Variants in SLC15A1 observed in about 807,000 individuals in gnomAD.
SLC15A1 encodes the protein solute carrier family 15 member 1, also known as Caco-2 oligopeptide transporter.
SLC15A1 carries 83 observed loss-of-function variants against 92.9 expected under a neutral mutation model. The ratio of observed to expected loss-of-function variants is 0.89; its 90% CI spans 0.75 to 1.07. The LOEUF is 1.07. Ranked by LOEUF, SLC15A1 falls within the 50% of genes least tolerant of loss-of-function variation. SLC15A1 has a pLI of 0.00. For missense variants in SLC15A1, 857 were observed against 880.1 expected, an observed-to-expected ratio of 0.97 and a Z score of 0.33; for synonymous variants, 322 against 318.2, an observed-to-expected ratio of 1.01 and a Z score of -0.13.
At chr13:98,698,467 C>T (rs2088040991) in intron 18 of SLC15A1, among the ~76,000 whole-genome samples, 1 of 152,188 alleles carries the variant, frequency 6.6e-6, no homozygotes, top group Non-Finnish European at 1.5e-5. Flanking sequence ...GAGACAGGGT[C>T]TCACTCTGTT....
intron 18 of SLC15A1, among the ~76,000 whole-genome samples, chr13:98,701,795 C>T (rs556022400): frequency 6.4e-4 from 97 of 151,826 alleles, no homozygotes; most frequent in African/African-American, 2.1e-3. Context: ...CTCAGCCTCC[C>T]GAGTAGCTGG....
intron 1 of SLC15A1, among the ~76,000 whole-genome samples, chr13:98,727,278 C>T (rs1012811230): frequency 9.9e-5 from 15 of 152,208 alleles, no homozygotes; most frequent in African/African-American, 1.7e-4. Flanking sequence ...CACACTCAAC[C>T]GCCACCTCCT....
At position 98,688,480 on chromosome 13, in the gene SLC15A1, G is replaced by GA; in HGVS notation, c.1563dup (p.Pro522SerfsTer21). ...AGTCTCGGTACTTACATGCCAGAAG[G>GA]AAAAAACTGGTATGTGCTGGCATTG... On this transcript the variant is annotated frameshift_variant, in exon 19 of 23. Transcript: ENST00000376503. LOFTEE classifies it high-confidence loss of function. 1 of 1,613,724 alleles carries GA rather than the reference G, an allele frequency of 6.2e-7. No homozygotes were observed. The highest frequency in any genetic ancestry group is 8.5e-7 in the Non-Finnish European group (1 of 1,179,742).
rs1321262091 is a variant in SLC15A1 at position 98,684,630 on chromosome 13, T to C, written c.*94A>G. The C allele has an allele frequency of 1.2e-6, 1 of 813,932 alleles. No individual in the cohort carries two copies. The highest frequency in any genetic ancestry group is 1.7e-5 in the African/African-American group (1 of 58,010). 50.4% of individuals were successfully genotyped at this position (813,932 alleles called of 1,614,324 possible). ...TTAGTTCCCAATTCTGAAGTCTTCCTCATCAGGGGCCATCCAATGGAGTGT... is the reference window on the plus strand; with the variant it reads ...TTAGTTCCCAATTCTGAAGTCTTCCCCATCAGGGGCCATCCAATGGAGTGT... On this transcript the variant is annotated 3_prime_UTR_variant, in exon 23 of 23. Coordinates refer to ENST00000376503, the MANE Select transcript of SLC15A1 (RefSeq NM_005073.4).
At chr13:98,752,110 G>A (rs553745057) in intron 1 of SLC15A1, among the ~76,000 whole-genome samples, 1 of 152,232 alleles carries the variant, frequency 6.6e-6, no homozygotes, top group African/African-American at 2.4e-5. Flanking sequence ...AGTGCAGAGG[G>A]TTAAGAGGGG....
intron 5 of SLC15A1, 59 bp from the exon 6 acceptor site, chr13:98,721,962 C>G: frequency 2.8e-6 from 4 of 1,445,388 alleles, no homozygotes; most frequent in Non-Finnish European, 3.8e-6. Context: ...GAAGGCCTCT[C>G]TTTTCCCCAG....
intron 19 of SLC15A1, 57 bp from the exon 20 acceptor site, chr13:98,688,413 A>AT (rs1040280687): frequency 3.7e-6 from 6 of 1,604,522 alleles, no homozygotes; most frequent in Admixed American, 1.7e-5. Context: ...ATTTCAATGC[A>AT]TTTTTTAAAG....
At chr13:98,726,649 C>T in intron 2 of SLC15A1, 194 bp downstream of exon 2, 2 of 741,174 alleles carry the variant, frequency 2.7e-6, no homozygotes. Context: ...AATAAAGCAT[C>T]CAGTGGTATT....
chr13:98,700,484 CA>C (rs56342746), intron 18 of SLC15A1, among the ~76,000 whole-genome samples: 2 of 50,906 alleles, frequency 3.9e-5, no homozygotes, highest in Non-Finnish European at 6.3e-5. Flanking sequence ...GACCCTGTCT[CA>C]AAAAAAAAAA....
chr13:98,743,488 A>G (rs1051299360), intron 1 of SLC15A1, among the ~76,000 whole-genome samples: 1 of 152,212 alleles, frequency 6.6e-6, no homozygotes, highest in Non-Finnish European at 1.5e-5. Flanking sequence ...CCCAGGATCC[A>G]GCCACCTTTG....
intron 20 of SLC15A1, 78 bp downstream of exon 20, chr13:98,688,170 T>C: frequency 2.1e-6 from 2 of 934,632 alleles, no homozygotes; most frequent in Non-Finnish European, 3.4e-6. Flanking sequence ...TAAATCATAT[T>C]ATGTCCTAAG....
At position 98,688,461 on chromosome 13, in the gene SLC15A1, G is replaced by A. The variant is rs551930554; in HGVS notation, c.1574+9C>T. On this transcript the variant is annotated intron_variant, in intron 19 of 22. Transcript: ENST00000376503. ...ACCTTTGAGTGAAGCATTCAGTCTC[G>A]GTACTTACATGCCAGAAGGAAAAAA... 86 of 1,611,282 alleles carry A rather than the reference G, an allele frequency of 5.3e-5. No individual in the cohort carries two copies. The highest frequency in any genetic ancestry group is 1.9e-4 in the African/African-American group (14 of 74,924).
Position 98,687,719 on chromosome 13 carries a change from G to T in SLC15A1, c.1689C>A (p.Asp563Glu), listed in dbSNP as rs2087941002. The T allele has an allele frequency of 1.9e-6, 3 of 1,612,978 alleles. No homozygotes were observed. The African/African-American group carries it at 4.0e-5, about 22-fold the overall frequency. The change falls in exon 21 of 23, where the codon GAC becomes GAA. Residue 563 changes from aspartate (D) to glutamate (E), a missense_variant. Asp to Glu is a conservative substitution (Grantham distance 45, BLOSUM62 2). Coordinates refer to ENST00000376503, the MANE Select transcript of SLC15A1 (RefSeq NM_005073.4). ...CAAACACCTTCACTTCAGGGCAGCT[G>T]TCATTCTGCAGCAGTAAGGCAAAAG... ...AYTYIVQRKNDSCPEVKVFED... is the reference protein window; with the variant it reads ...AYTYIVQRKNESCPEVKVFED...
chr13:98,744,028 A>G (rs1233188266), intron 1 of SLC15A1, among the ~76,000 whole-genome samples: 1 of 151,956 alleles, frequency 6.6e-6, no homozygotes, highest in Non-Finnish European at 1.5e-5. Flanking sequence ...AAATGTCGCT[A>G]AATTAAAAGG....
rs1342640627 is a variant in SLC15A1, at chr13:98,709,672, G to A, written c.979-12C>T. 2 of 1,614,074 alleles carry A rather than the reference G, an allele frequency of 1.2e-6. No homozygotes were observed. Among genetic ancestry groups the A allele is most frequent in the Non-Finnish European group, 1.7e-6 (2 of 1,180,034 alleles). On this transcript the variant is annotated splice_polypyrimidine_tract_variant and intron_variant, in intron 13 of 22. Transcript: ENST00000376503. ...ATGGCGTTCACGGTCTGCAGAGGAAGTGGAGGAGAAATGTTAAGCTTGTCT... is the reference window on the plus strand; with the variant it reads ...ATGGCGTTCACGGTCTGCAGAGGAAATGGAGGAGAAATGTTAAGCTTGTCT...
rs866991856 is a variant in SLC15A1 at position 98,724,032 on chromosome 13, C to T, written c.246-1G>A. ...GACAATGGAGAGCGACACAATGGTCCTGTGTTTCCAAAGATTAAGAGAATC... is the reference window on the plus strand; with the variant it reads ...GACAATGGAGAGCGACACAATGGTCTTGTGTTTCCAAAGATTAAGAGAATC... On this transcript the variant is annotated splice_acceptor_variant, in intron 4 of 22. Transcript: ENST00000376503. LOFTEE classifies it high-confidence loss of function. 6.2e-7 allele frequency: 1 copy of T among 1,613,936 alleles called. No homozygotes were observed. Among genetic ancestry groups the T allele is most frequent in the East Asian group, 2.2e-5 (1 of 44,866 alleles).
intron 1 of SLC15A1, among the ~76,000 whole-genome samples, chr13:98,750,362 C>T (rs7333570): frequency 0.027 from 4,041 of 152,234 alleles, 88 homozygotes; most frequent in African/African-American, 0.064. Context: ...CCGCCCGCCT[C>T]GGCCTCCCAA....
chr13:98,706,326 G>T, intron 15 of SLC15A1, 73 bp from the exon 16 acceptor site: 6 of 1,553,714 alleles, frequency 3.9e-6, no homozygotes, highest in African/African-American at 1.4e-5. Context: ...CCCTGACAAG[G>T]GGGTGCTTTC....
At chr13:98,732,266 A>G (rs1176345548) in intron 1 of SLC15A1, among the ~76,000 whole-genome samples, 1 of 152,188 alleles carries the variant, frequency 6.6e-6, no homozygotes, top group Non-Finnish European at 1.5e-5. Flanking sequence ...GTGTTGAACT[A>G]TGATCAGAGC....
Sources: gnomAD v4.1 joint callset for allele counts (sites outside exome capture counted in the v4.1 genomes callset) on GRCh38, gnomAD v4.1.1 for gene constraint, MANE v1.5 for transcripts, NCBI Gene and HGNC (gene_info 2026-07-23, HGNC 2026-07-21) for gene names.